The following MYO7B variants were observed in gnomAD, a reference collection of about 807,000 sequenced individuals.
The protein encoded by MYO7B is unconventional myosin-VIIb.
Under a neutral mutation model 259.7 loss-of-function variants are expected in MYO7B, and 212 were observed. The ratio of observed to expected loss-of-function variants is 0.82; its 90% confidence interval spans 0.73 to 0.91. The LOEUF (loss-of-function observed/expected upper bound fraction) is 0.91, where lower values mean the gene tolerates loss of function less well. Among genes scored for constraint, MYO7B ranks in the 40% least tolerant of loss-of-function variants. MYO7B has a pLI of 0.00. For synonymous variants in MYO7B, 1,197 were observed against 1,166.4 expected (o/e 1.03, Z -0.54); for missense variants, 2,732 against 2,813.5 (o/e 0.97, Z 0.66).
chr2:127,616,967 TTC>T (rs1680592436), intron 26 of MYO7B, among the ~76,000 whole-genome samples: 1 of 152,222 alleles, frequency 6.6e-6, no homozygotes. Flanking sequence ...TCTGGCGGTG[TTC>T]TTTTTTGAAA....
At chr2:127,596,428 G>A (rs767076571) in intron 18 of MYO7B, 34 bp from the exon 19 acceptor site, 2 of 1,534,430 alleles carry the variant, frequency 1.3e-6, no homozygotes, top group South Asian at 1.1e-5. Flanking sequence ...GGGTGAGGGT[G>A]AGCAGCCCAG....
chr2:127,611,494 C>T lies in MYO7B; in HGVS notation c.3193-756C>T, dbSNP rs189368340. On this transcript the variant is annotated intron_variant, in intron 24 of 47. Coordinates refer to ENST00000409816, the MANE Select transcript of MYO7B (RefSeq NM_001393586.1). The surrounding 1 kb of genome is among the most constrained non-coding windows in gnomAD (Gnocchi z 5.4). Reference sequence around the variant, plus strand: ...GCATGTGTTTATTAAATATCCATGACGTGCCCCAGACACAGAGCAGTGAGC... The same window carrying T: ...GCATGTGTTTATTAAATATCCATGATGTGCCCCAGACACAGAGCAGTGAGC... 2.4e-3 allele frequency among the ~76,000 whole-genome samples: 368 copies of T among 152,326 alleles called. 1 individual carries two copies. The highest frequency in any genetic ancestry group is 4.3e-3 in the Non-Finnish European group (294 of 68,026).
chr2:127,596,606 C>A, intron 19 of MYO7B, 50 bp downstream of exon 19: 3 of 1,446,780 alleles, frequency 2.1e-6, no homozygotes, highest in Non-Finnish European at 2.9e-6. Flanking sequence ...CCCACAGTGT[C>A]CCCACACAGG....
chr2:127,622,372 T>C (rs1470323211), intron 28 of MYO7B, among the ~76,000 whole-genome samples: 2 of 152,162 alleles, frequency 1.3e-5, no homozygotes, highest in East Asian at 1.9e-4. Flanking sequence ...AGCATTACAG[T>C]GCGCCAGTTG....
Position 127,635,655 on chromosome 2 carries a change from G to T in MYO7B, c.5821-67G>T, listed in dbSNP as rs559786922. 9.4e-6 allele frequency: 14 copies of T among 1,492,922 alleles called. No individual in the cohort carries two copies. The African/African-American group carries it at 1.9e-4, about 21-fold the overall frequency. 92.5% of individuals were successfully genotyped at this position (1,492,922 alleles called of 1,614,324 possible). ...GCCCCAGTTCCCCACCATCTGAGCG[G>T]GAAAGAGGTTGGGGGCGGGTGGGCC... On this transcript the variant is annotated intron_variant, in intron 43 of 47. Transcript: ENST00000409816.
intron 1 of MYO7B, among the ~76,000 whole-genome samples, chr2:127,556,678 C>T (rs921339804): frequency 6.6e-6 from 1 of 152,126 alleles, no homozygotes; most frequent in Admixed American, 6.5e-5. Flanking sequence ...AAATTCTTGG[C>T]TGATAATTGT....
intron 5 of MYO7B, among the ~76,000 whole-genome samples, chr2:127,567,808 C>T (rs1046635630): frequency 5.3e-5 from 8 of 152,094 alleles, no homozygotes; most frequent in African/African-American, 1.4e-4. Context: ...ATTCTAGAAG[C>T]GGAGACAGAC....
At chr2:127,616,759 T>C (rs1423938248) in intron 26 of MYO7B, among the ~76,000 whole-genome samples, 1 of 152,190 alleles carries the variant, frequency 6.6e-6, no homozygotes. Context: ...AGCTGTGGCC[T>C]GGATGGGGAA....
chr2:127,577,183 C>G lies in MYO7B; in HGVS notation c.849+475C>G, dbSNP rs1250567913. On this transcript the variant is annotated intron_variant, in intron 8 of 47. Transcript: ENST00000409816. This position sits in a 1 kb window ranked among gnomAD's most constrained non-coding sequence, Gnocchi z 5.2. ...GCCATCGCTCATTAGCTGAGGCTCC[C>G]TGGCCCTCAGGAGAACTGCGCCTCC... is the stretch of plus-strand genomic sequence containing the variant. Among the ~76,000 whole-genome samples, 1 of 152,184 alleles carries G rather than the reference C, an allele frequency of 6.6e-6. No homozygotes were observed. The highest frequency in any genetic ancestry group is 1.9e-4 in the East Asian group (1 of 5,192).
In MYO7B at chr2:127,539,322, C is replaced by G. The variant is rs749319957; in HGVS notation, c.-24+3491C>G. 6.6e-6 allele frequency among the ~76,000 whole-genome samples: 1 copy of G among 152,052 alleles called. No individual in the cohort carries two copies. Among genetic ancestry groups the G allele is most frequent in the Non-Finnish European group, 1.5e-5 (1 of 68,006 alleles). Reference sequence around the variant, plus strand: ...TAAACAAAATGTACATCAGAAAATCCCATATATTTGCTAGGCATAGACACA... The same window carrying G: ...TAAACAAAATGTACATCAGAAAATCGCATATATTTGCTAGGCATAGACACA... On this transcript the variant is annotated intron_variant, in intron 1 of 47. Coordinates refer to ENST00000409816, the MANE Select transcript of MYO7B (RefSeq NM_001393586.1). The surrounding 1 kb of genome is among the most constrained non-coding windows in gnomAD (Gnocchi z 4.0).
At chr2:127,594,277 C>G (rs534257889) in intron 18 of MYO7B, among the ~76,000 whole-genome samples, 1 of 152,330 alleles carries the variant, frequency 6.6e-6, no homozygotes, top group South Asian at 2.1e-4. Flanking sequence ...GTCCCCTAGT[C>G]TCATAAGCCT....
chr2:127,628,665 A>AAG lies in MYO7B; in HGVS notation c.4624+131_4624+132dup. ...GCAAGCAGAGGGAGGGAAGGCCCCA[A>AAG]AGCTCTGTGGGGGCAGCTTTAGGCA... On this transcript the variant is annotated intron_variant, in intron 34 of 47. Transcript: ENST00000409816. This position sits in a 1 kb window ranked among gnomAD's most constrained non-coding sequence, Gnocchi z 4.8. The AAG allele has an allele frequency of 9.8e-7, 1 of 1,024,382 alleles. No individual in the cohort carries two copies. The highest frequency in any genetic ancestry group is 1.4e-6 in the Non-Finnish European group (1 of 711,536). The allele number at this position is 1,024,382 out of a possible 1,614,324, so 63.5% of individuals were successfully genotyped here. A position where few individuals can be genotyped will look rare whatever the true frequency, so the allele number is the denominator to read the frequency against.
intron 19 of MYO7B, among the ~76,000 whole-genome samples, chr2:127,602,139 C>T (rs1465077127): frequency 6.6e-6 from 1 of 152,060 alleles, no homozygotes; most frequent in Non-Finnish European, 1.5e-5. Flanking sequence ...GATTTATCTA[C>T]AATGTGTTAG....
At chr2:127,536,451 C>G (rs1573593851) in intron 1 of MYO7B, among the ~76,000 whole-genome samples, 1 of 58,014 alleles carries the variant, frequency 1.7e-5, no homozygotes, top group Non-Finnish European at 3.0e-5. Flanking sequence ...AGAGGCAGGA[C>G]AGGTCTGGGG....
rs1191000419 is a variant in MYO7B at position 127,615,178 on chromosome 2, A to T, written c.3398+2575A>T. On this transcript the variant is annotated intron_variant, in intron 26 of 47. Coordinates refer to ENST00000409816, the MANE Select transcript of MYO7B (RefSeq NM_001393586.1). The surrounding 1 kb of genome is among the most constrained non-coding windows in gnomAD (Gnocchi z 4.4). ...GGTCTGTTCAGGGCCCCACAGGTGC[A>T]CCAAGGAGGAGTGGCCTTAGTGCCT... is the stretch of plus-strand genomic sequence containing the variant. 6.6e-6 allele frequency among the ~76,000 whole-genome samples: 1 copy of T among 152,134 alleles called. No individual in the cohort carries two copies. The highest frequency in any genetic ancestry group is 2.1e-4 in the South Asian group (1 of 4,828).
intron 4 of MYO7B, 151 bp from the exon 5 acceptor site, chr2:127,566,492 C>T (rs997663406): frequency 5.8e-6 from 4 of 690,570 alleles, no homozygotes; most frequent in South Asian, 4.3e-5. Flanking sequence ...AATGTCTGAT[C>T]TCCCTGGCCC....
At chr2:127,579,577 T>G (rs1301901295) in intron 9 of MYO7B, among the ~76,000 whole-genome samples, 1 of 143,142 alleles carries the variant, frequency 7.0e-6, no homozygotes, top group Admixed American at 6.7e-5. Flanking sequence ...ACATAACATT[T>G]GTTTGTTTGT....
chr2:127,604,617 G>A (rs1206764594), intron 19 of MYO7B, among the ~76,000 whole-genome samples: 3 of 152,202 alleles, frequency 2.0e-5, no homozygotes, highest in African/African-American at 7.2e-5. Flanking sequence ...TCCTCACGAA[G>A]CTTAATCATT....
Position 127,578,105 on chromosome 2 carries a change from C to T in MYO7B, c.850-28C>T, listed in dbSNP as rs983200425. On this transcript the variant is annotated intron_variant, in intron 8 of 47. Coordinates refer to ENST00000409816, the MANE Select transcript of MYO7B (RefSeq NM_001393586.1). ...GGAGGTGGTGGGGCAGGGGATGGCC[C>T]CATTCACTGAGGCACCCTGTCCCTC... is the stretch of plus-strand genomic sequence containing the variant. 3.1e-6 allele frequency: 5 copies of T among 1,611,994 alleles called. No individual in the cohort carries two copies. In the Admixed American group the frequency reaches 6.7e-5, roughly 22 times the overall value.
Sources: allele counts gnomAD v4.1 joint callset (sites outside exome capture counted in the v4.1 genomes callset), GRCh38; gene constraint gnomAD v4.1.1; non-coding constraint Gnocchi (gnomAD v3.1); transcripts MANE v1.5; gene names NCBI Gene and HGNC (gene_info 2026-07-23, HGNC 2026-07-21).